The following CUL2 variants were observed in gnomAD, a reference collection of about 807,000 sequenced individuals.
The protein encoded by CUL2 is cullin 2.
Under a neutral mutation model 110.2 loss-of-function variants are expected in CUL2, and 22 were observed. That is an observed-to-expected ratio of 0.20 (90% CI 0.14 to 0.28). The LOEUF (loss-of-function observed/expected upper bound fraction) is 0.28. Among genes scored for constraint, CUL2 ranks in the 10% least tolerant of loss-of-function variants. The pLI, the probability that CUL2 is intolerant of heterozygous loss-of-function variation, is 1.00. For synonymous variants in CUL2, 279 were observed against 293.2 expected (o/e 0.95, Z 0.49); for missense variants, 631 against 905.5 (o/e 0.70, Z 3.89).
chr10:35,049,500 A>AAAG (rs10539398), intron 6 of CUL2, among the ~76,000 whole-genome samples, 183 bp downstream of exon 6: 4 of 151,382 alleles, frequency 2.6e-5, no homozygotes, highest in African/African-American at 7.3e-5. Flanking sequence ...AAAAAAAAAG[A>AAAG]AAGAAGAAGA....
chr10:35,103,602 C>T (rs962550981), intron 1 of CUL2, among the ~76,000 whole-genome samples: 1 of 151,928 alleles, frequency 6.6e-6, no homozygotes, highest in Non-Finnish European at 1.5e-5. Flanking sequence ...GGATTACAGG[C>T]GTGAGCCACC....
At chr10:35,073,641 T>A (rs1034713507) in intron 1 of CUL2, among the ~76,000 whole-genome samples, 18 of 151,506 alleles carry the variant, frequency 1.2e-4, no homozygotes, top group African/African-American at 4.1e-4. Flanking sequence ...CTCGCTGTTG[T>A]CAGCCTGGGC....
chr10:35,112,899 A>G (rs1479115496), intron 1 of CUL2, among the ~76,000 whole-genome samples: 1 of 152,174 alleles, frequency 6.6e-6, no homozygotes, highest in Non-Finnish European at 1.5e-5. Context: ...TGCACACTAC[A>G]TAAAAGAATT....
intron 9 of CUL2, among the ~76,000 whole-genome samples, chr10:35,036,035 C>A (rs989185918): frequency 5.9e-5 from 9 of 152,204 alleles, no homozygotes; most frequent in East Asian, 1.9e-4. Context: ...AGTGAACACA[C>A]AACACACCCA....
chr10:35,022,481 T>G (rs1302260331), intron 17 of CUL2, among the ~76,000 whole-genome samples: 1 of 152,168 alleles, frequency 6.6e-6, no homozygotes, highest in Non-Finnish European at 1.5e-5. Flanking sequence ...ACAGGGGTTC[T>G]CAAGAAACAG....
intron 1 of CUL2, among the ~76,000 whole-genome samples, chr10:35,108,466 AAG>A (rs1362453421): frequency 5.9e-5 from 9 of 151,502 alleles, no homozygotes; most frequent in Non-Finnish European, 5.9e-5. Flanking sequence ...AAAAAAAAAA[AAG>A]GAAAAAAAGA....
At chr10:35,116,498 ATGTT>A (rs1310432624) in intron 1 of CUL2, among the ~76,000 whole-genome samples, 2 of 152,298 alleles carry the variant, frequency 1.3e-5, no homozygotes, top group South Asian at 2.1e-4. Flanking sequence ...CTCTCTGATG[ATGTT>A]TAATTTCACA....
chr10:35,110,199 T>C lies in CUL2; in HGVS notation c.-50-9139A>G, dbSNP rs538999744. On this transcript the variant is annotated intron_variant, in intron 1 of 5. Coordinates refer to the CUL2 transcript ENST00000685421. ...ACAACAAATGAAATAGCCATACTGC[T>C]ATAGGAACAAGGAGGTATAATTGTT... Among the ~76,000 whole-genome samples the C allele has an allele frequency of 3.9e-4, 60 of 152,292 alleles. No individual in the cohort carries two copies. In the South Asian group the frequency reaches 4.6e-3, roughly 12 times the overall value.
chr10:35,021,595 A>T (rs1314602625), intron 17 of CUL2, among the ~76,000 whole-genome samples: 1 of 150,198 alleles, frequency 6.7e-6, no homozygotes. Context: ...ATACATGTAT[A>T]TCCTTCCTTC....
At chr10:35,096,006 C>T (rs944533260) in intron 2 of CUL2, among the ~76,000 whole-genome samples, 41 of 151,476 alleles carry the variant, frequency 2.7e-4, no homozygotes, top group Admixed American at 1.3e-3. Flanking sequence ...CCAGCACTTT[C>T]GGAGTCCGAG....
At chr10:35,063,299 A>C (rs2134936711) in intron 2 of CUL2, among the ~76,000 whole-genome samples, 1 of 152,332 alleles carries the variant, frequency 6.6e-6, no homozygotes, top group Non-Finnish European at 1.5e-5. Flanking sequence ...AAGACACTGT[A>C]AGGAAAATGG....
intron 2 of CUL2, among the ~76,000 whole-genome samples, chr10:35,069,472 T>C (rs1246409822): frequency 1.3e-5 from 2 of 151,594 alleles, no homozygotes; most frequent in African/African-American, 4.9e-5. Flanking sequence ...GCCTAGGAGG[T>C]TGAGGCTGCA....
intron 1 of CUL2, among the ~76,000 whole-genome samples, chr10:35,112,298 C>G (rs1428560041): frequency 6.6e-6 from 1 of 152,170 alleles, no homozygotes; most frequent in Non-Finnish European, 1.5e-5. Flanking sequence ...GAAAACCAGA[C>G]AGAGTACATA....
At chr10:35,021,182 G>A (rs747812808) in intron 17 of CUL2, among the ~76,000 whole-genome samples, 1 of 151,778 alleles carries the variant, frequency 6.6e-6, no homozygotes, top group Non-Finnish European at 1.5e-5. Flanking sequence ...TGGACATGGT[G>A]ACAATTTTAT....
intron 1 of CUL2, among the ~76,000 whole-genome samples, chr10:35,085,696 CAAA>C (rs1263412257): frequency 1.8e-5 from 1 of 55,786 alleles, no homozygotes; most frequent in African/African-American, 6.1e-5. Flanking sequence ...GACTCTGTCT[CAAA>C]AAAAAAAAAA....
chr10:35,031,479 T>C lies in CUL2; in HGVS notation c.1299+12A>G. The C allele has an allele frequency of 1.9e-6, 3 of 1,611,976 alleles. No homozygotes were observed. In the Middle Eastern group the frequency reaches 5.0e-4, roughly 267 times the overall value. ...CCAAAATACAAATGAAACTTTTCTG[T>C]TCACAACATACCTTTTGAAAGACGT... On this transcript the variant is annotated intron_variant, in intron 13 of 20. Transcript: ENST00000374749. This position sits in a 1 kb window ranked among gnomAD's most constrained non-coding sequence, Gnocchi z 4.4.
chr10:35,017,256 C>T (rs2085059974), intron 17 of CUL2, among the ~76,000 whole-genome samples: 1 of 152,102 alleles, frequency 6.6e-6, no homozygotes, highest in South Asian at 2.1e-4. Context: ...TAGAGGCAAA[C>T]AGGTATGAAA....
At chr10:35,043,503 G>A (rs1240673866) in intron 8 of CUL2, among the ~76,000 whole-genome samples, 9 of 152,132 alleles carry the variant, frequency 5.9e-5, no homozygotes, top group Admixed American at 3.9e-4. Flanking sequence ...CGGTAAGCAC[G>A]GATGCTTTGT....
chr10:35,089,238 A>C (rs756566341), intron 1 of CUL2, among the ~76,000 whole-genome samples: 1 of 152,236 alleles, frequency 6.6e-6, no homozygotes, highest in Non-Finnish European at 1.5e-5. Flanking sequence ...TCTTCCAGAT[A>C]CTGTATAAGG....
Sources: gnomAD v4.1 joint callset for allele counts (sites outside exome capture counted in the v4.1 genomes callset) on GRCh38, gnomAD v4.1.1 for gene constraint, Gnocchi (gnomAD v3.1) non-coding constraint, MANE v1.5 for transcripts, NCBI Gene and HGNC (gene_info 2026-07-23, HGNC 2026-07-21) for gene names.